The following ARID4A variants were observed in gnomAD, a reference collection of about 807,000 sequenced individuals.
The protein encoded by ARID4A is AT-rich interaction domain 4A, also known as AT-rich interactive domain-containing protein 4A.
Under a neutral mutation model 148.6 loss-of-function variants are expected in ARID4A, and 39 were observed. The ratio of observed to expected loss-of-function variants is 0.26; its 90% CI spans 0.20 to 0.34. The LOEUF (loss-of-function observed/expected upper bound fraction) is 0.34, where lower values mean the gene tolerates loss of function less well. Ranked by LOEUF, ARID4A falls within the 10% of genes least tolerant of loss-of-function variation. ARID4A has a pLI of 1.00. For missense variants in ARID4A, 1,265 were observed against 1,449.1 expected (o/e 0.87, Z 2.06); for synonymous variants, 475 against 481.2 (o/e 0.99, Z 0.17).
intron 17 of ARID4A, 41 bp from the exon 18 acceptor site, chr14:58,359,091 A>G (rs955223820): frequency 2.6e-6 from 4 of 1,539,310 alleles, no homozygotes; most frequent in East Asian, 2.3e-5. Flanking sequence ...TATAATGTAT[A>G]AAGTTTGTAC....
At chr14:58,346,749 G>A (rs545785523) in intron 13 of ARID4A, among the ~76,000 whole-genome samples, 41 of 150,750 alleles carry the variant, frequency 2.7e-4, no homozygotes, top group African/African-American at 1.0e-3. Flanking sequence ...GCAACATGGC[G>A]AAACCCCATC....
chr14:58,365,548 G>T lies in ARID4A; in HGVS notation c.3242G>T (p.Gly1081Val), dbSNP rs2035325965. 6.2e-7 allele frequency: 1 copy of T among 1,600,458 alleles called. No homozygotes were observed. The highest frequency in any genetic ancestry group is 8.5e-7 in the Non-Finnish European group (1 of 1,174,882). ...GQKRPSDGNS[G>V]LMAKKQKRTP... The stretch of plus-strand genomic sequence containing the variant: ...AAGAGGCCAAGTGATGGAAATAGTG[G>T]ATTAATGGCAAAAAAGCAAAAGCGT... Residue 1081 changes from glycine (G) to valine (V), a missense_variant, in exon 21 of 24, where the codon GGA (glycine) becomes GTA (valine). Coordinates refer to ENST00000355431, the MANE Select transcript of ARID4A (RefSeq NM_002892.4).
chr14:58,339,436 T>C (rs1249661214), intron 11 of ARID4A, among the ~76,000 whole-genome samples: 2 of 152,282 alleles, frequency 1.3e-5, no homozygotes, highest in South Asian at 2.1e-4. Flanking sequence ...GGCTCCGATA[T>C]GTTATACGCT....
chr14:58,300,657 A>G (rs576961690), intron 2 of ARID4A, among the ~76,000 whole-genome samples: 8 of 152,346 alleles, frequency 5.3e-5, no homozygotes, highest in Non-Finnish European at 1.0e-4. Context: ...AGTAAATGAC[A>G]TATTTAACCT....
intron 19 of ARID4A, among the ~76,000 whole-genome samples, chr14:58,361,538 A>G (rs2035131583): frequency 6.6e-6 from 1 of 152,206 alleles, no homozygotes; most frequent in African/African-American, 2.4e-5. Flanking sequence ...TTATTCACAC[A>G]TAATTACATA....
At position 58,351,129 on chromosome 14, in the gene ARID4A, G is replaced by A. The variant is rs1216838729; in HGVS notation, c.1461G>A (p.Glu487=). ...CTATTAAAAAGGAAATTGAAGAAGA[G>A]AAAACAGAAGACAAATTAAAAGATA... ...VNSIKKEIEE[E]KTEDKLKDND... The change falls in exon 16 of 24, where the codon GAG becomes GAA. Residue 487 remains glutamate (E), a synonymous_variant. Transcript: ENST00000355431. The A allele has an allele frequency of 6.2e-7, 1 of 1,606,538 alleles. No homozygotes were observed.
chr14:58,346,779 T>C (rs1163832393), intron 13 of ARID4A, among the ~76,000 whole-genome samples: 1 of 149,932 alleles, frequency 6.7e-6, no homozygotes, highest in African/African-American at 2.5e-5. Flanking sequence ...AATACAAAAA[T>C]TAGCCAGGCA....
intron 5 of ARID4A, among the ~76,000 whole-genome samples, chr14:58,310,281 G>A (rs2031927127): frequency 6.6e-6 from 1 of 151,244 alleles, no homozygotes; most frequent in South Asian, 2.1e-4. Context: ...AGTTATCACA[G>A]TTGATTCTAT....
At chr14:58,327,868 C>A (rs1881942784) in intron 8 of ARID4A, among the ~76,000 whole-genome samples, 1 of 151,760 alleles carries the variant, frequency 6.6e-6, no homozygotes, top group Admixed American at 6.6e-5. Flanking sequence ...AGACAGGGTC[C>A]CACTATGCCA....
chr14:58,329,689 G>T (rs1343191717), intron 10 of ARID4A, 85 bp downstream of exon 10: 4 of 1,195,336 alleles, frequency 3.3e-6, no homozygotes, highest in Middle Eastern at 1.9e-4. Flanking sequence ...ATACTCTCTG[G>T]TACCACCATT....
chr14:58,330,269 T>A, intron 11 of ARID4A, 100 bp downstream of exon 11: 1 of 1,472,274 alleles, frequency 6.8e-7, no homozygotes, highest in South Asian at 1.4e-5. Context: ...CTCTATTATT[T>A]GTTTCTGTCC....
chr14:58,305,827 T>A (rs781359499), intron 4 of ARID4A, among the ~76,000 whole-genome samples, 195 bp from the exon 5 acceptor site: 26 of 152,174 alleles, frequency 1.7e-4, no homozygotes, highest in Admixed American at 3.3e-4. Context: ...GCTACCTAAC[T>A]TTTGTCAAAG....
chr14:58,321,077 G>C (rs1030061748), intron 7 of ARID4A, among the ~76,000 whole-genome samples: 11 of 152,130 alleles, frequency 7.2e-5, no homozygotes, highest in Non-Finnish European at 1.5e-4. Flanking sequence ...TCCCATATCT[G>C]GTGATACTAA....
chr14:58,314,071 TA>T (rs1364648581), intron 5 of ARID4A, among the ~76,000 whole-genome samples: 1 of 152,238 alleles, frequency 6.6e-6, no homozygotes, highest in Non-Finnish European at 1.5e-5. Context: ...GTAACAGAGA[TA>T]CCACTTTTGG....
At chr14:58,359,765 C>T (rs995124520) in intron 18 of ARID4A, among the ~76,000 whole-genome samples, 1 of 152,170 alleles carries the variant, frequency 6.6e-6, no homozygotes, top group Admixed American at 6.5e-5. Flanking sequence ...TTTAATAAAT[C>T]TTATTGTAAT....
Position 58,364,648 on chromosome 14 carries a change from G to T in ARID4A, c.2559G>T (p.Lys853Asn), listed in dbSNP as rs2035276663. Residue 853 changes from lysine (K) to asparagine (N), a missense_variant, in exon 20 of 24, where the codon AAG (lysine) becomes AAT (asparagine). Physicochemically the swap from Lys to Asn is moderately conservative, Grantham distance 94. Coordinates refer to ENST00000355431, the MANE Select transcript of ARID4A (RefSeq NM_002892.4). ...EDEIDQCVKEKKLKRKILGQS... is the reference protein window; with the variant it reads ...EDEIDQCVKENKLKRKILGQS... Reference sequence around the variant, plus strand: ...AAATTGACCAATGTGTGAAAGAAAAGAAGTTGAAACGGAAAATACTAGGAC... The same window carrying T: ...AAATTGACCAATGTGTGAAAGAAAATAAGTTGAAACGGAAAATACTAGGAC... 6.2e-7 allele frequency: 1 copy of T among 1,613,678 alleles called. No homozygotes were observed. The highest frequency in any genetic ancestry group is 1.3e-5 in the African/African-American group (1 of 74,880).
chr14:58,358,794 T>C (rs1412224764), intron 17 of ARID4A, among the ~76,000 whole-genome samples: 1 of 152,230 alleles, frequency 6.6e-6, no homozygotes, highest in Non-Finnish European at 1.5e-5. Flanking sequence ...CGAATTCTAT[T>C]GCAGATCTGA....
At chr14:58,361,181 A>G (rs1158575497) in intron 19 of ARID4A, 139 bp downstream of exon 19, 5 of 1,348,788 alleles carry the variant, frequency 3.7e-6, no homozygotes, top group African/African-American at 3.0e-5. Flanking sequence ...TGAAATATTC[A>G]CAGTACAGGT....
intron 13 of ARID4A, 39 bp downstream of exon 13, chr14:58,346,544 G>T (rs746748349): frequency 7.2e-7 from 1 of 1,392,304 alleles, no homozygotes; most frequent in Non-Finnish European, 1.0e-6. Context: ...GTATTGATGT[G>T]GTAAAAAGTT....
Sources: gnomAD v4.1 joint callset for allele counts (sites outside exome capture counted in the v4.1 genomes callset) on GRCh38, gnomAD v4.1.1 for gene constraint, MANE v1.5 for transcripts, NCBI Gene and HGNC (gene_info 2026-07-23, HGNC 2026-07-21) for gene names.